The following SCAI variants were observed in gnomAD, a reference collection of about 807,000 sequenced individuals.
SCAI encodes the protein protein SCAI.
In SCAI, 24 loss-of-function variants were observed where a neutral mutation model predicts 92.2. The observed-to-expected ratio is 0.26, with a 90% CI of 0.19 to 0.37. The LOEUF (loss-of-function observed/expected upper bound fraction) is 0.37, where lower values mean the gene tolerates loss of function less well. Ranked by LOEUF, SCAI falls within the 10% of genes least tolerant of loss-of-function variation. SCAI has a pLI of 1.00. For synonymous variants in SCAI, 261 were observed against 258.6 expected (o/e 1.01, Z -0.09); for missense variants, 450 against 736.2 (o/e 0.61, Z 4.50).
intron 9 of SCAI, among the ~76,000 whole-genome samples, chr9:125,012,939 T>A (rs1341601694): frequency 6.7e-6 from 1 of 150,298 alleles, no homozygotes; most frequent in Admixed American, 6.7e-5. Context: ...ACTGGGTACA[T>A]AACGAAATGA....
In SCAI at chr9:124,943,790, TAAA is replaced by T; in HGVS notation, c.*9014_*9016del. The T allele has an allele frequency of 6.6e-6, 1 of 152,130 alleles. No homozygotes were observed. 9.4% of individuals were successfully genotyped at this position (152,130 alleles called of 1,614,324 possible). ...TTAACCTTTAGTGATGATTAGAACT[TAAA>T]AAAGGGAAACTCAACCTTCCAATGG... On this transcript the variant is annotated 3_prime_UTR_variant, in exon 18 of 18. Transcript: ENST00000336505.
In SCAI at chr9:125,026,802, A is replaced by G. The variant is rs755094042; in HGVS notation, c.512+10T>C. The G allele has an allele frequency of 7.8e-7, 1 of 1,280,906 alleles. No individual in the cohort carries two copies. The highest frequency in any genetic ancestry group is 1.3e-5 in the South Asian group (1 of 79,484). The allele number at this position is 1,280,906 out of a possible 1,614,324, so 79.3% of individuals were successfully genotyped here. On this transcript the variant is annotated intron_variant, in intron 6 of 17. Coordinates refer to ENST00000336505, the MANE Select transcript of SCAI (RefSeq NM_001144877.3). Reference sequence around the variant, plus strand: ...ATCCTCATCTTTCTAAAAACATAGCAGATACATACCTGTCCTCTTTATTGA... The same window carrying G: ...ATCCTCATCTTTCTAAAAACATAGCGGATACATACCTGTCCTCTTTATTGA...
chr9:125,133,448 T>A (rs963089904), intron 2 of SCAI, among the ~76,000 whole-genome samples: 1 of 152,164 alleles, frequency 6.6e-6, no homozygotes, highest in African/African-American at 2.4e-5. Context: ...CATAAAGAAC[T>A]CTTACAACTA....
intron 2 of SCAI, among the ~76,000 whole-genome samples, chr9:125,118,591 T>C (rs1483627542): frequency 8.5e-5 from 13 of 152,150 alleles, no homozygotes. Flanking sequence ...GCAGGTTTGT[T>C]ACACAGGTAT....
intron 3 of SCAI, among the ~76,000 whole-genome samples, chr9:125,054,943 T>G (rs1417304505): frequency 1.3e-5 from 2 of 152,172 alleles, no homozygotes; most frequent in East Asian, 3.9e-4. Flanking sequence ...GAGTGGTGAG[T>G]GTCATGAAGC....
At chr9:125,040,707 A>G (rs1438556355) in intron 3 of SCAI, among the ~76,000 whole-genome samples, 2 of 151,828 alleles carry the variant, frequency 1.3e-5, no homozygotes, top group Non-Finnish European at 2.9e-5. Flanking sequence ...GCTCACCGCA[A>G]CCTCTGCCTC....
In SCAI at chr9:124,943,263, A is replaced by C. The variant is rs1041019965; in HGVS notation, c.*9544T>G. On this transcript the variant is annotated 3_prime_UTR_variant, in exon 18 of 18. Transcript: ENST00000336505. ...AAATAGCCCCTTCAAAATTTATTCT[A>C]CTGTTAACACATATAAAAACTATGA... 7 of 152,330 alleles carry C rather than the reference A, an allele frequency of 4.6e-5. No homozygotes were observed. Among genetic ancestry groups the C allele is most frequent in the African/African-American group, 1.7e-4 (7 of 41,564 alleles). The allele number at this position is 152,330 out of a possible 1,614,324, so 9.4% of individuals were successfully genotyped here. A position where few individuals can be genotyped will look rare whatever the true frequency, so the allele number is the denominator to read the frequency against.
chr9:125,044,389 G>A (rs1250273396), intron 3 of SCAI, among the ~76,000 whole-genome samples: 1 of 152,086 alleles, frequency 6.6e-6, no homozygotes, highest in Non-Finnish European at 1.5e-5. Context: ...ACAGAAAGGA[G>A]CTACCCACTC....
At chr9:125,117,537 G>A (rs1385862765) in intron 2 of SCAI, among the ~76,000 whole-genome samples, 5 of 151,850 alleles carry the variant, frequency 3.3e-5, no homozygotes, top group Admixed American at 1.3e-4. Context: ...ATGATGGTGC[G>A]TGCCTGTAGT....
At chr9:125,056,188 G>A (rs1007352760) in intron 2 of SCAI, among the ~76,000 whole-genome samples, 181 bp from the exon 3 acceptor site, 9 of 152,096 alleles carry the variant, frequency 5.9e-5, no homozygotes, top group African/African-American at 1.4e-4. Flanking sequence ...CATCTCAGTC[G>A]GGCGCAGTGG....
At chr9:125,109,935 G>A (rs981626276) in intron 2 of SCAI, among the ~76,000 whole-genome samples, 14 of 152,204 alleles carry the variant, frequency 9.2e-5, no homozygotes, top group East Asian at 7.7e-4. Flanking sequence ...TGACCCACCC[G>A]CCTCGGCCTC....
intron 2 of SCAI, among the ~76,000 whole-genome samples, chr9:125,061,224 G>T (rs982210096): frequency 6.6e-6 from 1 of 152,180 alleles, no homozygotes; most frequent in African/African-American, 2.4e-5. Flanking sequence ...ATGAACCCAG[G>T]AGGCGGAGCT....
At chr9:125,083,544 T>C (rs1229842415) in intron 2 of SCAI, among the ~76,000 whole-genome samples, 1 of 147,530 alleles carries the variant, frequency 6.8e-6, no homozygotes, top group African/African-American at 2.5e-5. Flanking sequence ...AAAAAAGATG[T>C]GACTTGCTCC....
intron 17 of SCAI, among the ~76,000 whole-genome samples, chr9:124,956,447 A>C (rs1649220451): frequency 6.6e-6 from 1 of 152,050 alleles, no homozygotes. Flanking sequence ...TCGAACTCCC[A>C]ACCTCAGGTG....
chr9:125,040,119 C>G (rs907281436), intron 3 of SCAI, among the ~76,000 whole-genome samples: 15 of 152,242 alleles, frequency 9.9e-5, no homozygotes, highest in African/African-American at 3.4e-4. Context: ...CTTTGGGAGG[C>G]TGAGGTGGGA....
chr9:125,032,609 T>C (rs1402523782), intron 3 of SCAI, among the ~76,000 whole-genome samples: 1 of 138,760 alleles, frequency 7.2e-6, no homozygotes, highest in Non-Finnish European at 1.5e-5. Flanking sequence ...TGTTTACTAA[T>C]ATTATGCTTT....
At chr9:125,131,424 G>T (rs892185952) in intron 2 of SCAI, among the ~76,000 whole-genome samples, 7 of 147,244 alleles carry the variant, frequency 4.8e-5, no homozygotes, top group African/African-American at 1.5e-4. Context: ...AAAAAAAAAA[G>T]AAAAATAAAC....
At chr9:125,063,483 T>C (rs1254781763) in intron 2 of SCAI, among the ~76,000 whole-genome samples, 1 of 151,604 alleles carries the variant, frequency 6.6e-6, no homozygotes, top group Non-Finnish European at 1.5e-5. Flanking sequence ...GTAGCTACAA[T>C]ATATTTTAAT....
At chr9:125,046,653 A>T (rs1315873634) in intron 3 of SCAI, among the ~76,000 whole-genome samples, 1 of 150,336 alleles carries the variant, frequency 6.7e-6, no homozygotes, top group Non-Finnish European at 1.5e-5. Flanking sequence ...ACTACTAAAG[A>T]ACTTATTCAT....
Sources: gnomAD v4.1 joint callset for allele counts (sites outside exome capture counted in the v4.1 genomes callset) on GRCh38, gnomAD v4.1.1 for gene constraint, MANE v1.5 for transcripts, NCBI Gene and HGNC (gene_info 2026-07-23, HGNC 2026-07-21) for gene names.